GRM1: variants seen among roughly 807,000 people sequenced by gnomAD.
The protein encoded by GRM1 is metabotropic glutamate receptor 1.
GRM1 carries 33 observed loss-of-function variants against 90.9 expected under a neutral mutation model. That is an observed-to-expected ratio of 0.36 (90% CI 0.28 to 0.49). The LOEUF (loss-of-function observed/expected upper bound fraction) is 0.49, where lower values mean the gene tolerates loss of function less well. Ranked by LOEUF, GRM1 falls within the 20% of genes least tolerant of loss-of-function variation. The pLI is 0.99. For missense variants in GRM1, 1,190 were observed against 1,534.3 expected (o/e 0.78, Z 3.75); for synonymous variants, 700 against 613.2 (o/e 1.14, Z -2.09).
At chr6:146,348,465 G>A (rs1268134054) in intron 3 of GRM1, among the ~76,000 whole-genome samples, 1 of 152,194 alleles carries the variant, frequency 6.6e-6, no homozygotes, top group Non-Finnish European at 1.5e-5. Context: ...GGTAGTAGCT[G>A]AAGAGAGTTC....
chr6:146,294,262 A>T (rs905276531), intron 2 of GRM1, among the ~76,000 whole-genome samples: 13 of 151,846 alleles, frequency 8.6e-5, no homozygotes, highest in Non-Finnish European at 1.6e-4. Context: ...CTTCCTATGA[A>T]TTTCAATATC....
chr6:146,337,115 G>A (rs964836978), intron 3 of GRM1, among the ~76,000 whole-genome samples: 1 of 152,162 alleles, frequency 6.6e-6, no homozygotes, highest in African/African-American at 2.4e-5. Context: ...GATGGTGATG[G>A]TGACCTCTGG....
intron 3 of GRM1, among the ~76,000 whole-genome samples, chr6:146,320,222 CAT>C (rs1232734810): frequency 2.6e-5 from 4 of 152,112 alleles, no homozygotes; most frequent in African/African-American, 4.8e-5. Flanking sequence ...TTGAGATAAT[CAT>C]GTGGTTTTTG....
chr6:146,092,227 A>G (rs892918041), intron 1 of GRM1, among the ~76,000 whole-genome samples: 10 of 151,814 alleles, frequency 6.6e-5, no homozygotes, highest in Admixed American at 6.6e-5. Context: ...TTCCCCTTAT[A>G]CCCTTACATG....
In GRM1 at chr6:146,222,785, T is replaced by C. The variant is rs1269926700; in HGVS notation, c.950+63188T>C. 2.0e-5 allele frequency among the ~76,000 whole-genome samples: 3 copies of C among 152,052 alleles called. No homozygotes were observed. The East Asian group carries it at 5.8e-4, about 29-fold the overall frequency. On this transcript the variant is annotated intron_variant, in intron 2 of 7. Transcript: ENST00000282753. ...GCCCAGTGAAGTTGACACATAAAAT[T>C]AATCATCACAAAAACAAATGAGTTT...
chr6:146,084,009 G>A (rs555459641), intron 1 of GRM1, among the ~76,000 whole-genome samples: 1 of 152,316 alleles, frequency 6.6e-6, no homozygotes, highest in East Asian at 1.9e-4. Context: ...AGAGTTTCTA[G>A]TTTATTTGCA....
At chr6:146,109,049 G>C (rs762759764) in intron 1 of GRM1, among the ~76,000 whole-genome samples, 4 of 152,152 alleles carry the variant, frequency 2.6e-5, no homozygotes, top group Non-Finnish European at 4.4e-5. Flanking sequence ...ATACAAGTTT[G>C]GAAAATTTGC....
chr6:146,420,987 A>G (rs917251874), intron 7 of GRM1, among the ~76,000 whole-genome samples: 1 of 152,192 alleles, frequency 6.6e-6, no homozygotes, highest in African/African-American at 2.4e-5. Context: ...ATTCATCAGG[A>G]TAACAACATC....
At chr6:146,206,619 GT>G (rs11340139) in intron 2 of GRM1, among the ~76,000 whole-genome samples, 39,641 of 145,464 alleles carry the variant, frequency 0.27, 8,532 homozygotes, top group African/African-American at 0.6. Flanking sequence ...TTCAAATAGT[GT>G]TTTTTTTTTT....
At chr6:146,400,323 C>T (rs994687095) in intron 7 of GRM1, among the ~76,000 whole-genome samples, 6 of 151,870 alleles carry the variant, frequency 4.0e-5, no homozygotes, top group African/African-American at 7.3e-5. Flanking sequence ...ACATGTTCCA[C>T]GATGTTATAC....
At chr6:146,120,238 T>G (rs941520488) in intron 1 of GRM1, among the ~76,000 whole-genome samples, 4 of 152,210 alleles carry the variant, frequency 2.6e-5, no homozygotes, top group African/African-American at 9.6e-5. Flanking sequence ...TTTGGCTCTC[T>G]GTTTGTTATT....
chr6:146,380,783 C>T (rs1313457678), intron 5 of GRM1, among the ~76,000 whole-genome samples: 1 of 152,106 alleles, frequency 6.6e-6, no homozygotes, highest in Non-Finnish European at 1.5e-5. Context: ...AATGTAGTAC[C>T]TGTGTATCAC....
At chr6:146,234,229 TTAAG>T (rs1317510750) in intron 2 of GRM1, among the ~76,000 whole-genome samples, 2 of 151,972 alleles carry the variant, frequency 1.3e-5, no homozygotes, top group African/African-American at 2.4e-5. Context: ...CTTTCATACT[TTAAG>T]TGAGTATCTT....
rs557141967 is a variant in GRM1, at chr6:146,383,279, T to C, written c.1603-3611T>C. ...CCATGTACTAGTTATTTGCAGAATC[T>C]ACTTTCACCAGTCATCCTGCATAAG... On this transcript the variant is annotated intron_variant, in intron 5 of 7. Transcript: ENST00000282753. 2.0e-5 allele frequency among the ~76,000 whole-genome samples: 3 copies of C among 152,304 alleles called. No individual in the cohort carries two copies. In the South Asian group the frequency reaches 6.2e-4, roughly 32 times the overall value.
intron 3 of GRM1, among the ~76,000 whole-genome samples, chr6:146,330,229 G>C (rs979402808): frequency 6.6e-6 from 1 of 152,012 alleles, no homozygotes; most frequent in Non-Finnish European, 1.5e-5. Flanking sequence ...ATGCTGCATT[G>C]GTTTTCTTTT....
intron 7 of GRM1, chr6:146,426,538 CTT>C: frequency 1.2e-6 from 2 of 1,606,674 alleles, no homozygotes; most frequent in Non-Finnish European, 1.7e-6. Flanking sequence ...CACTGGGTGT[CTT>C]TTTCTTTTCA....
intron 3 of GRM1, among the ~76,000 whole-genome samples, chr6:146,311,566 C>T (rs1783770839): frequency 6.6e-6 from 1 of 152,204 alleles, no homozygotes; most frequent in Non-Finnish European, 1.5e-5. Flanking sequence ...ATGTGTTAGC[C>T]ACTAGCCACA....
At chr6:146,202,758 G>T (rs6570741) in intron 2 of GRM1, among the ~76,000 whole-genome samples, 1 of 151,978 alleles carries the variant, frequency 6.6e-6, no homozygotes, top group Non-Finnish European at 1.5e-5. Context: ...TGAGATTCTC[G>T]GATTCAGTAC....
chr6:146,061,020 T>G (rs1222425052), intron 1 of GRM1, among the ~76,000 whole-genome samples: 1 of 152,024 alleles, frequency 6.6e-6, no homozygotes, highest in East Asian at 1.9e-4. Flanking sequence ...CCAATTGGCC[T>G]AATTGTACTA....
Sources: allele counts gnomAD v4.1 joint callset (sites outside exome capture counted in the v4.1 genomes callset), GRCh38; gene constraint gnomAD v4.1.1; transcripts MANE v1.5; gene names NCBI Gene and HGNC (gene_info 2026-07-23, HGNC 2026-07-21).